TEX9: variants seen among roughly 807,000 people sequenced by gnomAD.
TEX9 encodes the protein testis-expressed protein 9.
TEX9 carries 74 observed loss-of-function variants against 59.6 expected under a neutral mutation model. The observed-to-expected ratio is 1.24, with a 90% CI of 1.03 to 1.51. The LOEUF (loss-of-function observed/expected upper bound fraction) is 1.51. TEX9 is among the 40% of genes most tolerant of loss of function. The pLI is 0.00. For synonymous variants in TEX9, 186 were observed against 152.2 expected (o/e 1.22, Z -1.64); for missense variants, 522 against 447.8 (o/e 1.17, Z -1.49).
exon 1 of TEX9, chr15:56,244,059 G>A (rs1274926962): frequency 6.6e-6 from 1 of 151,458 alleles, no homozygotes; most frequent in East Asian, 1.9e-4. Flanking sequence ...CCCGGCTGGT[G>A]GAGAGCAGGA....
intron 4 of TEX9, among the ~76,000 whole-genome samples, chr15:56,386,738 A>G (rs1180181062): frequency 6.6e-6 from 1 of 152,046 alleles, no homozygotes; most frequent in Non-Finnish European, 1.5e-5. Flanking sequence ...ATGTTTATCC[A>G]GTAAACTAAA....
intron 10 of TEX9, among the ~76,000 whole-genome samples, chr15:56,424,587 T>C (rs1419868793): frequency 2.0e-5 from 3 of 152,174 alleles, no homozygotes; most frequent in Non-Finnish European, 4.4e-5. Context: ...TATTGTTTAG[T>C]TGATTTTGTG....
At chr15:56,330,512 G>C (rs2046117720) in intron 1 of TEX9, among the ~76,000 whole-genome samples, 1 of 152,074 alleles carries the variant, frequency 6.6e-6, no homozygotes, top group African/African-American at 2.4e-5. Flanking sequence ...TACAAGCAAT[G>C]AAAAGGTAAA....
upstream of TEX9, chr15:56,365,399 T>G (rs1021310732): frequency 2.5e-6 from 4 of 1,589,086 alleles, no homozygotes; most frequent in Non-Finnish European, 3.4e-6. Flanking sequence ...ATGTGGAAAC[T>G]CTCGCGGGAA....
chr15:56,414,585 A>C (rs1030282509), intron 10 of TEX9, among the ~76,000 whole-genome samples: 10 of 151,850 alleles, frequency 6.6e-5, no homozygotes, highest in Non-Finnish European at 1.2e-4. Flanking sequence ...GTTCTTTTTT[A>C]TGGCTACATA....
chr15:56,412,388 A>G (rs2049400607), exon 10 of TEX9: 6 of 1,613,068 alleles, frequency 3.7e-6, no homozygotes, highest in African/African-American at 1.3e-5. Context: ...CTCTAGAAGA[A>G]GCAGAAAAGT....
intron 12 of TEX9, among the ~76,000 whole-genome samples, chr15:56,444,922 A>G (rs2050881608): frequency 6.6e-6 from 1 of 152,044 alleles, no homozygotes; most frequent in Non-Finnish European, 1.5e-5. Context: ...GATTATTAAT[A>G]ACTCCACATT....
At chr15:56,276,046 T>C (rs1297233872) in intron 1 of TEX9, among the ~76,000 whole-genome samples, 1 of 152,164 alleles carries the variant, frequency 6.6e-6, no homozygotes, top group Non-Finnish European at 1.5e-5. Flanking sequence ...ATGTTTCTTT[T>C]GTCTGTTTTT....
intron 1 of TEX9, among the ~76,000 whole-genome samples, chr15:56,293,369 C>G (rs2045141250): frequency 6.6e-6 from 1 of 151,500 alleles, no homozygotes; most frequent in Admixed American, 6.6e-5. Context: ...TCTTTGCCAT[C>G]TAAAAAATAA....
chr15:56,434,011 A>G, intron 12 of TEX9: 1 of 827,394 alleles, frequency 1.2e-6, no homozygotes, highest in Non-Finnish European at 1.7e-6. Flanking sequence ...GAAAATTTAT[A>G]TATATATTAG....
At chr15:56,444,714 G>C (rs377218859) in intron 12 of TEX9, 6 of 1,483,534 alleles carry the variant, frequency 4.0e-6, no homozygotes, top group Non-Finnish European at 5.6e-6. Flanking sequence ...TTTCAAATTT[G>C]AACATAGTAC....
Position 56,268,719 on chromosome 15 carries a change from C to T in TEX9, c.-107+24441C>T, listed in dbSNP as rs1401578657. Reference sequence around the variant, plus strand: ...AAGCTTTTTGATGTGCTGCTGGATTCGTTTTGCCAGTATTTTATTGAGGAT... The same window carrying T: ...AAGCTTTTTGATGTGCTGCTGGATTTGTTTTGCCAGTATTTTATTGAGGAT... On this transcript the variant is annotated intron_variant, in intron 1 of 5. Transcript: ENST00000560827. Among the ~76,000 whole-genome samples, 14 of 151,822 alleles carry T rather than the reference C, an allele frequency of 9.2e-5. No individual in the cohort carries two copies. In the East Asian group the frequency reaches 9.7e-4, roughly 10 times the overall value.
intron 3 of TEX9, among the ~76,000 whole-genome samples, chr15:56,383,503 C>A (rs1482884693): frequency 6.6e-6 from 1 of 152,174 alleles, no homozygotes; most frequent in Non-Finnish European, 1.5e-5. Flanking sequence ...TGTGTCTTTG[C>A]CAAAAGCTTT....
rs2046184527 is a variant in TEX9 at position 56,333,013 on chromosome 15, T to G, written c.-106-40428T>G. 2.0e-5 allele frequency among the ~76,000 whole-genome samples: 3 copies of G among 152,176 alleles called. No individual in the cohort carries two copies. In the South Asian group the frequency reaches 6.2e-4, roughly 32 times the overall value. ...AACATATCAATAACAAGTAACAAGC[T>G]GGAAGCCATAATAAAAAGTCTCCCA... On this transcript the variant is annotated intron_variant, in intron 1 of 5. Transcript: ENST00000560827.
chr15:56,272,938 A>AT lies in TEX9; in HGVS notation c.-107+28668dup, dbSNP rs1376179172. On this transcript the variant is annotated intron_variant, in intron 1 of 5. Coordinates refer to the TEX9 transcript ENST00000560827. ...TCTTTATTTATTTATTTATTTATTT[A>AT]TTTTTTTTGTTGTTGTTGTTGTTGT... is the stretch of plus-strand genomic sequence containing the variant. 3.8e-3 allele frequency among the ~76,000 whole-genome samples: 516 copies of AT among 137,124 alleles called. 2 individuals are homozygous for AT. Among genetic ancestry groups the AT allele is most frequent in the African/African-American group, 0.013 (482 of 36,484 alleles). 90.0% of individuals were successfully genotyped at this position (137,124 alleles called of 152,430 possible). A position where few individuals can be genotyped will look rare whatever the true frequency, so the allele number is the denominator to read the frequency against.
chr15:56,446,718 T>C, downstream of TEX9: 4 of 679,740 alleles, frequency 5.9e-6, no homozygotes, highest in Admixed American at 9.0e-5. Flanking sequence ...TCTGAAAATT[T>C]ACAAATATTT....
At chr15:56,300,533 C>T (rs1460207056) in intron 1 of TEX9, among the ~76,000 whole-genome samples, 1 of 151,238 alleles carries the variant, frequency 6.6e-6, no homozygotes, top group Non-Finnish European at 1.5e-5. Flanking sequence ...GCCCTTGGAC[C>T]TTGAGGGAAC....
intron 1 of TEX9, among the ~76,000 whole-genome samples, chr15:56,306,257 C>CAAAAAAAAAAAAAAAA (rs55882329): frequency 1.4e-4 from 11 of 79,448 alleles, no homozygotes; most frequent in Non-Finnish European, 2.0e-4. Context: ...AGGTACATAG[C>CAAAAAAAAAAAAAAAA]AAAAAAAAAA....
chr15:56,315,398 C>G (rs1376358329), intron 1 of TEX9, among the ~76,000 whole-genome samples: 2 of 148,580 alleles, frequency 1.3e-5, no homozygotes, highest in Non-Finnish European at 3.0e-5. Context: ...TTTATTTCTC[C>G]TTCACTTATG....
Sources: allele counts gnomAD v4.1 joint callset (sites outside exome capture counted in the v4.1 genomes callset), GRCh38; gene constraint gnomAD v4.1.1; transcripts MANE v1.5; gene names NCBI Gene and HGNC (gene_info 2026-07-23, HGNC 2026-07-21).